The following CADPS2 variants were observed in gnomAD, a reference collection of about 807,000 sequenced individuals.
CADPS2 encodes calcium dependent secretion activator 2.
A neutral mutation model predicts 172.5 loss-of-function variants in CADPS2; 93 were observed. The observed-to-expected ratio is 0.54, with a 90% CI of 0.46 to 0.64. The LOEUF (loss-of-function observed/expected upper bound fraction) is 0.64. CADPS2 is among the 30% of genes least tolerant of loss of function. The pLI is 0.00. For missense variants in CADPS2, 1,420 were observed against 1,565.9 expected, an observed-to-expected ratio of 0.91 and a Z score of 1.57; for synonymous variants, 546 against 555.2, an observed-to-expected ratio of 0.98 and a Z score of 0.23.
chr7:122,501,920 G>A (rs2059240457), intron 9 of CADPS2, among the ~76,000 whole-genome samples: 1 of 147,684 alleles, frequency 6.8e-6, no homozygotes, highest in African/African-American at 2.5e-5. Flanking sequence ...GTCACCTTGA[G>A]TCTAGAACAC....
Position 122,783,939 on chromosome 7 carries a change from C to A in CADPS2, c.340-46871G>T, listed in dbSNP as rs34288982. Among the ~76,000 whole-genome samples the A allele has an allele frequency of 6.1e-3, 923 of 152,262 alleles. 5 individuals carry two copies. Among genetic ancestry groups the A allele is most frequent in the South Asian group, 0.011 (51 of 4,824 alleles). On this transcript the variant is annotated intron_variant, in intron 1 of 29. Transcript: ENST00000449022. ...CTCTCAGGCCTTCCAAGAGGGCTTG[C>A]GGCTATTACTATAACTATCTTTAAT...
intron 1 of CADPS2, among the ~76,000 whole-genome samples, chr7:122,782,592 C>T: frequency 6.6e-6 from 1 of 152,074 alleles, no homozygotes; most frequent in East Asian, 1.9e-4. Context: ...CCCTGGGTGA[C>T]AGAGTGAGAC....
At chr7:122,634,952 T>C (rs1000347413) in intron 3 of CADPS2, among the ~76,000 whole-genome samples, 2 of 152,198 alleles carry the variant, frequency 1.3e-5, no homozygotes, top group Non-Finnish European at 2.9e-5. Context: ...TCCATGTTTA[T>C]ATAGGTCTGA....
Position 122,663,269 on chromosome 7 carries a change from G to T in CADPS2, c.754C>A (p.Leu252Met). 1 of 1,613,522 alleles carries T rather than the reference G, an allele frequency of 6.2e-7. No individual in the cohort carries two copies. The highest frequency in any genetic ancestry group is 8.5e-7 in the Non-Finnish European group (1 of 1,179,616). ...GCATTATAAAGGAGCTGGTGTTCCA[G>T]TTTTTTAATACCCAGAATCTGCTGA... is the stretch of plus-strand genomic sequence containing the variant. Reference protein sequence around the residue: ...MFQQILGIKKLEHQLLYNACQ... With the variant: ...MFQQILGIKKMEHQLLYNACQ... The change falls in exon 3 of 30, where the codon CTG (leucine) becomes ATG (methionine). Residue 252 changes from leucine to methionine, a missense_variant. Leu to Met is a conservative substitution (Grantham distance 15, BLOSUM62 2). Transcript: ENST00000449022.
intron 3 of CADPS2, among the ~76,000 whole-genome samples, chr7:122,657,220 T>C (rs1298644773): frequency 6.6e-6 from 1 of 152,224 alleles, no homozygotes; most frequent in Non-Finnish European, 1.5e-5. Context: ...AGCCTTGTAG[T>C]ATAGTTTGAA....
Position 122,393,076 on chromosome 7 carries a change from A to G in CADPS2, c.3008+120T>C. The G allele has an allele frequency of 5.0e-6, 6 of 1,195,282 alleles. No individual in the cohort carries two copies. In the South Asian group the frequency reaches 1.1e-4, roughly 22 times the overall value. The allele number at this position is 1,195,282 out of a possible 1,614,324, so 74.0% of individuals were successfully genotyped here. On this transcript the variant is annotated intron_variant, in intron 22 of 29. Transcript: ENST00000449022. ...CTTAAAAACTCAAATAAAAAAAAAA[A>G]AACAGTATTCCTCAACCAACGATGA...
intron 7 of CADPS2, among the ~76,000 whole-genome samples, chr7:122,563,475 C>G (rs1187822184): frequency 6.6e-6 from 1 of 152,118 alleles, no homozygotes; most frequent in East Asian, 1.9e-4. Flanking sequence ...AAACTTGGCA[C>G]TGAAGTTAAA....
At chr7:122,698,119 T>G (rs773840565) in intron 2 of CADPS2, 11 of 1,613,834 alleles carry the variant, frequency 6.8e-6, no homozygotes, top group African/African-American at 4.0e-5. Flanking sequence ...ACGAACTATG[T>G]CATTAGGCTT....
intron 1 of CADPS2, among the ~76,000 whole-genome samples, chr7:122,801,134 C>T (rs915007039): frequency 3.9e-5 from 6 of 151,942 alleles, no homozygotes; most frequent in African/African-American, 1.5e-4. Flanking sequence ...ACTAGAAATG[C>T]TATAAGCCAA....
intron 3 of CADPS2, among the ~76,000 whole-genome samples, chr7:122,655,624 C>T (rs1180475686): frequency 1.3e-5 from 2 of 151,784 alleles, no homozygotes; most frequent in Non-Finnish European, 2.9e-5. Context: ...ATTGTGTGAC[C>T]TGCTTTATTG....
intron 24 of CADPS2, among the ~76,000 whole-genome samples, chr7:122,381,117 C>T (rs557435375): frequency 2.6e-5 from 4 of 152,022 alleles, no homozygotes; most frequent in Non-Finnish European, 5.9e-5. Flanking sequence ...AGGGTAATCC[C>T]TCCACAGACA....
intron 8 of CADPS2, among the ~76,000 whole-genome samples, chr7:122,519,759 T>G (rs1223642383): frequency 6.6e-6 from 1 of 152,092 alleles, no homozygotes; most frequent in Non-Finnish European, 1.5e-5. Context: ...TTCAAATTTT[T>G]GATTATATAT....
intron 1 of CADPS2, among the ~76,000 whole-genome samples, chr7:122,766,553 T>A (rs2093556526): frequency 6.6e-6 from 1 of 152,146 alleles, no homozygotes; most frequent in Non-Finnish European, 1.5e-5. Context: ...CAACTGTTCA[T>A]TCCTTTCACT....
intron 1 of CADPS2, among the ~76,000 whole-genome samples, chr7:122,757,494 C>T (rs1234604747): frequency 6.6e-6 from 1 of 151,976 alleles, no homozygotes; most frequent in Non-Finnish European, 1.5e-5. Flanking sequence ...TTTAGCACCC[C>T]AGGGATGGTA....
Position 122,647,821 on chromosome 7 carries a change from C to T in CADPS2, c.786+15416G>A, listed in dbSNP as rs140140160. 3.9e-5 allele frequency among the ~76,000 whole-genome samples: 6 copies of T among 152,222 alleles called. 1 individual carries two copies. The East Asian group carries it at 7.7e-4, about 20-fold the overall frequency. On this transcript the variant is annotated intron_variant, in intron 3 of 29. Transcript: ENST00000449022. ...AAACAATTAAAAACAAAGTCTAATG[C>T]TATGAGCCTGACATATAGTGTCAAA...
chr7:122,415,421 C>T (rs1192799423), intron 18 of CADPS2, among the ~76,000 whole-genome samples: 1 of 152,000 alleles, frequency 6.6e-6, no homozygotes, highest in Non-Finnish European at 1.5e-5. Flanking sequence ...GCAGTGCAGG[C>T]TGATTAATTA....
chr7:122,738,000 A>G (rs889856382), intron 1 of CADPS2, among the ~76,000 whole-genome samples: 7 of 152,166 alleles, frequency 4.6e-5, no homozygotes, highest in Non-Finnish European at 1.0e-4. Context: ...AAGAAGACAA[A>G]TCCAAAAGAG....
intron 14 of CADPS2, among the ~76,000 whole-genome samples, chr7:122,451,842 C>T (rs976744725): frequency 3.3e-5 from 5 of 152,022 alleles, no homozygotes; most frequent in Non-Finnish European, 5.9e-5. Context: ...AAATAATGAA[C>T]GTAAGGTAAA....
intron 2 of CADPS2, among the ~76,000 whole-genome samples, chr7:122,676,172 CT>C (rs1408742675): frequency 6.6e-6 from 1 of 152,076 alleles, no homozygotes; most frequent in Admixed American, 6.6e-5. Flanking sequence ...TTAAAATATT[CT>C]TTAAAAAATG....
Sources: allele counts gnomAD v4.1 joint callset (sites outside exome capture counted in the v4.1 genomes callset), GRCh38; gene constraint gnomAD v4.1.1; transcripts MANE v1.5; gene names NCBI Gene and HGNC (gene_info 2026-07-23, HGNC 2026-07-21).